The following GRAMD4 variants were observed in gnomAD, a reference collection of about 807,000 sequenced individuals.
GRAMD4 encodes the protein GRAM domain-containing protein 4.
Under a neutral mutation model 83.9 loss-of-function variants are expected in GRAMD4, and 25 were observed. The observed-to-expected ratio is 0.30, with a 90% CI of 0.22 to 0.42. The LOEUF (loss-of-function observed/expected upper bound fraction) is 0.42, where lower values mean the gene tolerates loss of function less well. Among genes scored for constraint, GRAMD4 ranks in the 10% least tolerant of loss-of-function variants. The probability of loss-of-function intolerance (pLI) is 1.00; values close to 1 mark genes in which losing one functional copy is unlikely to be tolerated. For missense variants in GRAMD4, 593 were observed against 788.7 expected (o/e 0.75, Z 2.97); for synonymous variants, 336 against 320.9 (o/e 1.05, Z -0.50).
In GRAMD4 at chr22:46,677,354, C is replaced by T. The variant is rs530814661; in HGVS notation, c.*103C>T. The T allele has an allele frequency of 1.1e-5, 16 of 1,459,850 alleles. No individual in the cohort carries two copies. Among genetic ancestry groups the T allele is most frequent in the Middle Eastern group, 1.9e-4 (1 of 5,376 alleles). The allele number at this position is 1,459,850 out of a possible 1,614,324, so 90.4% of individuals were successfully genotyped here. ...GGAAACAATTGGACATCCTCATGAG[C>T]TTTTGCAATAATTCTCCTGGACCTG... On this transcript the variant is annotated 3_prime_UTR_variant, in exon 19 of 19. Coordinates refer to ENST00000406902, the MANE Select transcript of GRAMD4 (RefSeq NM_015124.5).
intron 11 of GRAMD4, 32 bp downstream of exon 11, chr22:46,668,199 C>G: frequency 6.6e-7 from 1 of 1,517,580 alleles, no homozygotes; most frequent in Non-Finnish European, 9.1e-7. Context: ...AGGGGTGTGT[C>G]TGCGCCAGCC....
intron 18 of GRAMD4, 64 bp from the exon 19 acceptor site, chr22:46,677,083 C>T (rs1164612066): frequency 1.6e-5 from 26 of 1,593,608 alleles, no homozygotes; most frequent in African/African-American, 2.7e-5. Context: ...GACTTCGTCT[C>T]GGTCCTGGTC....
At chr22:46,629,336 C>T (rs559104924) in intron 2 of GRAMD4, among the ~76,000 whole-genome samples, 7 of 152,302 alleles carry the variant, frequency 4.6e-5, no homozygotes, top group African/African-American at 1.7e-4. Flanking sequence ...ATAAGTGAAA[C>T]GTACGTGGCT....
At chr22:46,617,021 C>T (rs1448407716), upstream of GRAMD4, among the ~76,000 whole-genome samples, 2 of 129,740 alleles carry the variant, frequency 1.5e-5, no homozygotes. Flanking sequence ...TGTGGGTTCC[C>T]CCGTGTGTAG....
chr22:46,644,891 C>T (rs1323434914), intron 3 of GRAMD4, among the ~76,000 whole-genome samples: 1 of 132,326 alleles, frequency 7.6e-6, no homozygotes, highest in East Asian at 2.4e-4. Context: ...TTGCACTGCA[C>T]ATGGCCTTTT....
intron 1 of GRAMD4, among the ~76,000 whole-genome samples, chr22:46,607,344 T>TA (rs954224966): frequency 5.3e-5 from 8 of 152,034 alleles, no homozygotes; most frequent in African/African-American, 1.9e-4. Context: ...CAAAGTGTTA[T>TA]AAAAAAAGGA....
chr22:46,576,436 C>T (rs1319036541), upstream of GRAMD4, among the ~76,000 whole-genome samples: 2 of 152,192 alleles, frequency 1.3e-5, no homozygotes, highest in African/African-American at 2.4e-5. Context: ...AGTGGGTCCC[C>T]TCTACGGGTG....
chr22:46,603,251 A>G (rs1601542674), intron 1 of GRAMD4, among the ~76,000 whole-genome samples: 2 of 116,938 alleles, frequency 1.7e-5, no homozygotes, highest in East Asian at 5.1e-4. Flanking sequence ...TGTGTTGCCC[A>G]GGCTGGATTG....
intron 2 of GRAMD4, among the ~76,000 whole-genome samples, chr22:46,627,504 C>G (rs1256337242): frequency 6.6e-6 from 1 of 152,182 alleles, no homozygotes; most frequent in Non-Finnish European, 1.5e-5. Flanking sequence ...AGGTGGGGAG[C>G]CAGGCGGGAG....
chr22:46,630,956 A>C lies in GRAMD4; in HGVS notation c.162+3995A>C, dbSNP rs556950442. Among the ~76,000 whole-genome samples the C allele has an allele frequency of 2.1e-5, 3 of 144,128 alleles. No homozygotes were observed. In the East Asian group the frequency reaches 6.5e-4, roughly 31 times the overall value. 94.6% of individuals were successfully genotyped at this position (144,128 alleles called of 152,430 possible). A position where few individuals can be genotyped will look rare whatever the true frequency, so the allele number is the denominator to read the frequency against. ...CGTGTGCCCTCACCCCGGCCTCTGC[A>C]GTGTGCCCTCCATAGCTCCCTCGAG... On this transcript the variant is annotated intron_variant, in intron 2 of 18. Transcript: ENST00000406902.
At chr22:46,641,058 C>A (rs926000537) in intron 3 of GRAMD4, among the ~76,000 whole-genome samples, 2 of 152,112 alleles carry the variant, frequency 1.3e-5, no homozygotes, top group Non-Finnish European at 2.9e-5. Context: ...AGAGCGAGAC[C>A]CCATCTCTTA....
Position 46,663,127 on chromosome 22 carries a change from C to G in GRAMD4, c.554C>G (p.Pro185Arg). ...TACGTGGAGGACTTCCGGTTCCAGC[C>G]CGAGGAGAACACTGTGGAGACAGAG... ...GEYVEDFRFQ[P>R]EENTVETEEP... is the part of the protein sequence containing the mutation. The change falls in exon 6 of 19, where the codon CCC (proline) becomes CGC (arginine). Residue 185 changes from proline (P) to arginine (R), a missense_variant. This residue lies in a region of GRAMD4 where 312 missense variants were observed against 350.7 expected (regional missense o/e 0.89). Coordinates refer to ENST00000406902, the MANE Select transcript of GRAMD4 (RefSeq NM_015124.5). 1 of 1,612,428 alleles carries G rather than the reference C, an allele frequency of 6.2e-7. No homozygotes were observed. Among genetic ancestry groups the G allele is most frequent in the Admixed American group, 1.7e-5 (1 of 60,014 alleles).
chr22:46,676,696 G>T, intron 18 of GRAMD4, 28 bp downstream of exon 18: 1 of 1,539,438 alleles, frequency 6.5e-7, no homozygotes, highest in Non-Finnish European at 8.8e-7. Flanking sequence ...GGCCGCCAAG[G>T]GGTTGGTGTG....
At position 46,633,680 on chromosome 22, in the gene GRAMD4, A is replaced by T. The variant is rs113464654; in HGVS notation, c.163-4160A>T. ...GGGGACCCCAGCCTGCCTTGTCACC[A>T]AGAAGAATGGGGTCCTCTCTCTCCA... On this transcript the variant is annotated intron_variant, in intron 2 of 18. Coordinates refer to ENST00000406902, the MANE Select transcript of GRAMD4 (RefSeq NM_015124.5). Among the ~76,000 whole-genome samples the T allele has an allele frequency of 2.9e-3, 438 of 152,338 alleles. 4 individuals carry two copies. Among genetic ancestry groups the T allele is most frequent in the African/African-American group, 1.0e-2 (414 of 41,584 alleles).
chr22:46,682,060 A>G (rs1245592909), downstream of GRAMD4, among the ~76,000 whole-genome samples: 2 of 152,228 alleles, frequency 1.3e-5, no homozygotes, highest in East Asian at 1.9e-4. Flanking sequence ...GCAGCCACCC[A>G]GTGCTGCTGA....
In GRAMD4 at chr22:46,622,691, A is replaced by ATC. The variant is rs1647059861; in HGVS notation, c.-50+2127_-50+2128dup. On this transcript the variant is annotated intron_variant, in intron 1 of 18. Transcript: ENST00000406902. This position sits in a 1 kb window ranked among gnomAD's most constrained non-coding sequence, Gnocchi z 4.0. ...CACTTTGGGAGGCCGAGGCGGGTGG[A>ATC]TCACGAGGTCAGGAGATTGAGACCA... Among the ~76,000 whole-genome samples the ATC allele has an allele frequency of 6.6e-6, 1 of 152,178 alleles. No homozygotes were observed. The highest frequency in any genetic ancestry group is 6.5e-5 in the Admixed American group (1 of 15,282).
intron 1 of GRAMD4, among the ~76,000 whole-genome samples, chr22:46,625,386 C>T (rs1476209204): frequency 3.9e-5 from 6 of 152,206 alleles, no homozygotes; most frequent in Admixed American, 3.9e-4. Context: ...CATGTAGGAG[C>T]TGGAGCTGAC....
chr22:46,665,594 C>T lies in GRAMD4; in HGVS notation c.718-21C>T, dbSNP rs779233316. ...TGATCCAAGCTGTCAGGAGGTCTGA[C>T]GCCCTGTCTCTCACCCGCAGGTGTA... On this transcript the variant is annotated intron_variant, in intron 8 of 18. Coordinates refer to ENST00000406902, the MANE Select transcript of GRAMD4 (RefSeq NM_015124.5). The T allele has an allele frequency of 1.3e-5, 18 of 1,374,108 alleles. No individual in the cohort carries two copies. In the South Asian group the frequency reaches 1.8e-4, roughly 13 times the overall value. 85.1% of individuals were successfully genotyped at this position (1,374,108 alleles called of 1,614,324 possible).
intron 3 of GRAMD4, among the ~76,000 whole-genome samples, chr22:46,639,681 T>C (rs2081947067): frequency 6.6e-6 from 1 of 152,150 alleles, no homozygotes; most frequent in Admixed American, 6.5e-5. Context: ...CGTGTGTGTG[T>C]GTGCATGCCC....
Sources: allele counts gnomAD v4.1 joint callset (sites outside exome capture counted in the v4.1 genomes callset), GRCh38; gene constraint gnomAD v4.1.1; regional missense constraint gnomAD v4.1.1; non-coding constraint Gnocchi (gnomAD v3.1); transcripts MANE v1.5; gene names NCBI Gene and HGNC (gene_info 2026-07-23, HGNC 2026-07-21).